AFF3: variants seen among roughly 807,000 people sequenced by gnomAD.
AFF3 encodes AF4/FMR2 family member 3.
A neutral mutation model predicts 129.7 loss-of-function variants in AFF3; 32 were observed. The ratio of observed to expected loss-of-function variants is 0.25; its 90% CI spans 0.19 to 0.33. The LOEUF is 0.33. Among genes scored for constraint, AFF3 ranks in the 10% least tolerant of loss-of-function variants. The pLI, the probability that AFF3 is intolerant of heterozygous loss-of-function variation, is 1.00. For synonymous variants in AFF3, 644 were observed against 635.4 expected (o/e 1.01, Z -0.20); for missense variants, 1,373 against 1,592.0 (o/e 0.86, Z 2.34).
At chr2:100,105,894 A>G in intron 2 of AFF3, 1 of 1,331,096 alleles carries the variant, frequency 7.5e-7, no homozygotes, top group Non-Finnish European at 1.0e-6. Flanking sequence ...TCCCCGCCAA[A>G]AGGGAGTCCC....
chr2:100,105,104 G>A (rs1338797706), intron 3 of AFF3: 3 of 161,254 alleles, frequency 1.9e-5, no homozygotes, highest in Non-Finnish European at 3.9e-5. Context: ...CGCCGAGTGC[G>A]GGGGGATGCG....
At chr2:99,985,114 G>A (rs929914496) in intron 7 of AFF3, among the ~76,000 whole-genome samples, 2 of 152,156 alleles carry the variant, frequency 1.3e-5, no homozygotes, top group African/African-American at 2.4e-5. Context: ...CAGATGTGAG[G>A]CATTTGCATA....
At chr2:99,839,021 A>T (rs1689109038) in intron 7 of AFF3, among the ~76,000 whole-genome samples, 1 of 152,162 alleles carries the variant, frequency 6.6e-6, no homozygotes, top group African/African-American at 2.4e-5. Flanking sequence ...ACCCAGAATT[A>T]GGGGATTTAT....
intron 4 of AFF3, among the ~76,000 whole-genome samples, chr2:100,061,584 T>C (rs891063651): frequency 2.6e-5 from 4 of 152,104 alleles, no homozygotes; most frequent in Non-Finnish European, 5.9e-5. Flanking sequence ...AGGCAACACA[T>C]GCTGCATGTT....
At chr2:100,131,367 A>T (rs1692423944) in intron 1 of AFF3, among the ~76,000 whole-genome samples, 1 of 152,252 alleles carries the variant, frequency 6.6e-6, no homozygotes, top group Non-Finnish European at 1.5e-5. Context: ...TCAAATGTTG[A>T]TATAAAGCAG....
chr2:99,547,965 A>G lies in AFF3; in HGVS notation c.*3509T>C, dbSNP rs1002575103. 4.7e-6 allele frequency: 1 copy of G among 211,824 alleles called. No individual in the cohort carries two copies. The highest frequency in any genetic ancestry group is 2.3e-5 in the African/African-American group (1 of 44,146). 13.1% of individuals were successfully genotyped at this position (211,824 alleles called of 1,614,324 possible). A position where few individuals can be genotyped will look rare whatever the true frequency, so the allele number is the denominator to read the frequency against. ...AGATTATTTTTCCAGTACATTCCTCATTAGATTGTGGGTTTCAAGTTTCCA... is the reference window on the plus strand; with the variant it reads ...AGATTATTTTTCCAGTACATTCCTCGTTAGATTGTGGGTTTCAAGTTTCCA... On this transcript the variant is annotated 3_prime_UTR_variant, in exon 25 of 25. Transcript: ENST00000672756.
chr2:99,754,237 C>T (rs1681907415), intron 8 of AFF3, among the ~76,000 whole-genome samples: 2 of 152,220 alleles, frequency 1.3e-5, no homozygotes, highest in Non-Finnish European at 2.9e-5. Flanking sequence ...TCATCAATTA[C>T]AAACTATTAA....
Position 99,549,864 on chromosome 2 carries a change from T to C in AFF3, c.*1610A>G. ...ACCAACCTGTAAGAATATCAGTGAA[T>C]GTTTATGGATCAGCATCTAGTCTAA... On this transcript the variant is annotated 3_prime_UTR_variant, in exon 25 of 25. Coordinates refer to ENST00000672756, the MANE Select transcript of AFF3 (RefSeq NM_001386135.1). 4.4e-6 allele frequency: 1 copy of C among 225,012 alleles called. No individual in the cohort carries two copies. The highest frequency in any genetic ancestry group is 6.4e-5 in the East Asian group (1 of 15,512). The allele number at this position is 225,012 out of a possible 1,614,324, so 13.9% of individuals were successfully genotyped here.
chr2:99,936,604 C>A (rs1002079151), intron 7 of AFF3, among the ~76,000 whole-genome samples: 1 of 152,090 alleles, frequency 6.6e-6, no homozygotes, highest in Non-Finnish European at 1.5e-5. Context: ...ATAAATTACC[C>A]AAAACTAAAG....
At chr2:99,959,161 T>C (rs1676965553) in intron 7 of AFF3, among the ~76,000 whole-genome samples, 1 of 151,852 alleles carries the variant, frequency 6.6e-6, no homozygotes, top group South Asian at 2.1e-4. Context: ...CAAATGCTCT[T>C]AGGGAAGAAA....
At position 99,548,755 on chromosome 2, in the gene AFF3, AC is replaced by A. The variant is rs1056793676; in HGVS notation, c.*2718del. ...CAGACCCGGTCTCAAAACCAACCAA[AC>A]CAACAACAACAGCAGTAACAACAAA... On this transcript the variant is annotated 3_prime_UTR_variant, in exon 25 of 25. Coordinates refer to ENST00000672756, the MANE Select transcript of AFF3 (RefSeq NM_001386135.1). The A allele has an allele frequency of 8.7e-6, 2 of 230,456 alleles. No individual in the cohort carries two copies. Among genetic ancestry groups the A allele is most frequent in the African/African-American group, 4.4e-5 (2 of 45,180 alleles). 14.3% of individuals were successfully genotyped at this position (230,456 alleles called of 1,614,324 possible).
At chr2:99,579,735 T>G (rs1009294323) in intron 17 of AFF3, among the ~76,000 whole-genome samples, 7 of 129,270 alleles carry the variant, frequency 5.4e-5, no homozygotes, top group Middle Eastern at 6.6e-3. Flanking sequence ...TATGTATACA[T>G]ATGTGTGTGT....
chr2:99,737,533 C>T (rs765562978), intron 10 of AFF3, among the ~76,000 whole-genome samples: 42 of 152,010 alleles, frequency 2.8e-4, no homozygotes, highest in Non-Finnish European at 5.0e-4. Context: ...CAGGCTCCCA[C>T]TGATGCTGTT....
At chr2:99,579,972 G>GCACTGTCATAGA (rs1677373647) in intron 17 of AFF3, among the ~76,000 whole-genome samples, 2 of 152,214 alleles carry the variant, frequency 1.3e-5, no homozygotes, top group Middle Eastern at 6.3e-3. Flanking sequence ...GTAAGGGTTA[G>GCACTGTCATAGA]AGTCTACTGT....
intron 13 of AFF3, among the ~76,000 whole-genome samples, chr2:99,634,964 T>TACACACACACACACACAC (rs201362666): frequency 3.6e-5 from 5 of 137,768 alleles, no homozygotes; most frequent in African/African-American, 5.4e-5. Context: ...GATTCTGTCA[T>TACACACACACACACACAC]ACACACACAC....
chr2:100,037,741 G>A (rs1464007744), intron 4 of AFF3, among the ~76,000 whole-genome samples: 5 of 114,788 alleles, frequency 4.4e-5, no homozygotes, highest in African/African-American at 1.6e-4. Context: ...ATTAATTTGT[G>A]TATAATATAT....
intron 4 of AFF3, among the ~76,000 whole-genome samples, chr2:100,024,015 G>A (rs897333585): frequency 2.9e-5 from 4 of 138,976 alleles, no homozygotes; most frequent in African/African-American, 8.1e-5. Context: ...GGCGGATCAC[G>A]AGGTCAGGAG....
At chr2:100,009,026 T>C in intron 4 of AFF3, 94 bp from the exon 5 acceptor site, 1 of 1,483,654 alleles carries the variant, frequency 6.7e-7, no homozygotes, top group Non-Finnish European at 9.0e-7. Flanking sequence ...GTCTGGTTCG[T>C]GGACAAATGG....
intron 11 of AFF3, among the ~76,000 whole-genome samples, chr2:99,695,676 CT>C: frequency 6.6e-6 from 1 of 152,110 alleles, no homozygotes; most frequent in African/African-American, 2.4e-5. Flanking sequence ...TTCCAACAAC[CT>C]TAATAAGCAG....
Sources: allele counts gnomAD v4.1 joint callset (sites outside exome capture counted in the v4.1 genomes callset), GRCh38; gene constraint gnomAD v4.1.1; transcripts MANE v1.5; gene names NCBI Gene and HGNC (gene_info 2026-07-23, HGNC 2026-07-21).